The following GRID1 variants were observed in gnomAD, a reference collection of about 807,000 sequenced individuals.
GRID1 encodes glutamate receptor ionotropic, delta-1.
Under a neutral mutation model 98.0 loss-of-function variants are expected in GRID1, and 28 were observed. The ratio of observed to expected loss-of-function variants is 0.29; its 90% CI spans 0.21 to 0.39. The LOEUF is 0.39. GRID1 is among the 10% of genes least tolerant of loss of function. The pLI is 1.00. For missense variants in GRID1, 1,111 were observed against 1,340.5 expected, an observed-to-expected ratio of 0.83 and a Z score of 2.67; for synonymous variants, 553 against 538.5, an observed-to-expected ratio of 1.03 and a Z score of -0.37.
intron 12 of GRID1, among the ~76,000 whole-genome samples, chr10:85,722,602 G>GA (rs1174143794): frequency 4.0e-5 from 6 of 151,648 alleles, no homozygotes; most frequent in Admixed American, 3.3e-4. Context: ...TGGCATTTTT[G>GA]AAAAAAATTA....
At chr10:85,868,934 C>A in intron 6 of GRID1, 76 bp downstream of exon 6, 1 of 1,285,404 alleles carries the variant, frequency 7.8e-7, no homozygotes, top group Admixed American at 1.8e-5. Context: ...AGGAGGCCCC[C>A]ACATGTCTCC....
chr10:85,943,975 T>C (rs1842025381), intron 4 of GRID1, among the ~76,000 whole-genome samples: 1 of 152,208 alleles, frequency 6.6e-6, no homozygotes, highest in African/African-American at 2.4e-5. Flanking sequence ...CTGGGGCTTG[T>C]CCTATCTTGC....
intron 8 of GRID1, among the ~76,000 whole-genome samples, chr10:85,827,080 C>G (rs747319207): frequency 2.0e-5 from 3 of 152,164 alleles, no homozygotes; most frequent in Non-Finnish European, 4.4e-5. Flanking sequence ...ATCCTCTTAC[C>G]TCTTAATGAC....
intron 12 of GRID1, among the ~76,000 whole-genome samples, chr10:85,692,581 A>C (rs1261771779): frequency 2.6e-5 from 4 of 151,546 alleles, no homozygotes; most frequent in Non-Finnish European, 5.9e-5. Flanking sequence ...GTGGGAGAAT[A>C]ACTTGAGCCC....
intron 2 of GRID1, among the ~76,000 whole-genome samples, chr10:86,353,169 A>G (rs1054480757): frequency 1.4e-4 from 22 of 152,150 alleles, no homozygotes; most frequent in African/African-American, 5.3e-4. Context: ...ACAGCCCACA[A>G]CCTCCAGAAG....
chr10:85,861,904 T>C (rs1235675622), intron 6 of GRID1, among the ~76,000 whole-genome samples: 2 of 152,234 alleles, frequency 1.3e-5, no homozygotes, highest in East Asian at 3.9e-4. Flanking sequence ...GGTGCCCTTA[T>C]TTTTACCTAG....
intron 8 of GRID1, among the ~76,000 whole-genome samples, chr10:85,775,027 G>A (rs888011999): frequency 1.4e-4 from 21 of 152,230 alleles, no homozygotes; most frequent in South Asian, 1.2e-3. Flanking sequence ...ACATGCAGAC[G>A]TATGTTTATT....
At chr10:85,986,997 G>C (rs1249195719) in intron 4 of GRID1, among the ~76,000 whole-genome samples, 1 of 152,088 alleles carries the variant, frequency 6.6e-6, no homozygotes, top group Admixed American at 6.5e-5. Flanking sequence ...CCCAGTCTAA[G>C]CTGCAGATGA....
At chr10:85,824,387 T>G (rs1262264301) in intron 8 of GRID1, among the ~76,000 whole-genome samples, 1 of 152,140 alleles carries the variant, frequency 6.6e-6, no homozygotes, top group Non-Finnish European at 1.5e-5. Flanking sequence ...AATTTTTGTA[T>G]TTCTAGTAGA....
At chr10:86,045,503 G>A (rs1173374267) in intron 4 of GRID1, among the ~76,000 whole-genome samples, 1 of 152,192 alleles carries the variant, frequency 6.6e-6, no homozygotes, top group Non-Finnish European at 1.5e-5. Flanking sequence ...AGTCACGTCA[G>A]TCCTCAGGGT....
chr10:86,043,326 T>G (rs1843373942), intron 4 of GRID1, among the ~76,000 whole-genome samples: 3 of 152,122 alleles, frequency 2.0e-5, no homozygotes. Flanking sequence ...GACAAGACAC[T>G]GGAAAAGAGC....
At chr10:85,860,304 G>A (rs935787401) in intron 6 of GRID1, among the ~76,000 whole-genome samples, 2 of 152,226 alleles carry the variant, frequency 1.3e-5, no homozygotes, top group Non-Finnish European at 2.9e-5. Context: ...GAACACTGCA[G>A]CATAAAATTC....
At chr10:86,187,276 A>G (rs373938765) in intron 3 of GRID1, among the ~76,000 whole-genome samples, 24 of 152,302 alleles carry the variant, frequency 1.6e-4, no homozygotes, top group East Asian at 1.5e-3. Flanking sequence ...AGCACTTTCT[A>G]TGAGACAGGC....
chr10:86,201,059 GCT>G (rs1845944111), intron 3 of GRID1, among the ~76,000 whole-genome samples: 1 of 152,174 alleles, frequency 6.6e-6, no homozygotes, highest in Admixed American at 6.5e-5. Context: ...CAGCAATTCT[GCT>G]CCTCAGAATA....
intron 4 of GRID1, among the ~76,000 whole-genome samples, chr10:86,086,877 C>T (rs577552383): frequency 6.6e-6 from 1 of 152,308 alleles, no homozygotes; most frequent in African/African-American, 2.4e-5. Context: ...TTTTTCACAG[C>T]TGTATGCCCA....
At chr10:86,178,745 A>C in intron 3 of GRID1, among the ~76,000 whole-genome samples, 2 of 151,184 alleles carry the variant, frequency 1.3e-5, no homozygotes, top group African/African-American at 2.4e-5. Context: ...CTCTGATTTC[A>C]CTCCCCTCCC....
intron 8 of GRID1, among the ~76,000 whole-genome samples, chr10:85,771,443 T>C (rs1272234056): frequency 6.6e-6 from 1 of 152,070 alleles, no homozygotes; most frequent in Non-Finnish European, 1.5e-5. Context: ...GCTAACATCA[T>C]AATGACAGGA....
intron 12 of GRID1, among the ~76,000 whole-genome samples, chr10:85,651,299 A>T (rs572844865): frequency 6.6e-6 from 1 of 152,348 alleles, no homozygotes; most frequent in Non-Finnish European, 1.5e-5. Flanking sequence ...CACTGTGCTC[A>T]TGTGAAGGAG....
chr10:85,968,561 A>T (rs1384854953), intron 4 of GRID1, among the ~76,000 whole-genome samples: 2 of 152,128 alleles, frequency 1.3e-5, no homozygotes, highest in Non-Finnish European at 2.9e-5. Flanking sequence ...AATATAAAGA[A>T]GGGGGAGGAA....
Sources: gnomAD v4.1 joint callset for allele counts (sites outside exome capture counted in the v4.1 genomes callset) on GRCh38, gnomAD v4.1.1 for gene constraint, MANE v1.5 for transcripts, NCBI Gene and HGNC (gene_info 2026-07-23, HGNC 2026-07-21) for gene names.